Variants in MYBL1 observed in about 807,000 individuals in gnomAD.
MYBL1 encodes MYB proto-oncogene like 1.
MYBL1 carries 17 observed loss-of-function variants against 96.3 expected under a neutral mutation model. The observed-to-expected ratio is 0.18, with a 90% CI of 0.12 to 0.26. MYBL1 has a LOEUF of 0.26. MYBL1 is among the 10% of genes least tolerant of loss of function. The pLI is 1.00. For synonymous variants in MYBL1, 282 were observed against 292.7 expected, an observed-to-expected ratio of 0.96 and a Z score of 0.37; for missense variants, 701 against 882.9, an observed-to-expected ratio of 0.79 and a Z score of 2.61.
chr8:66,579,823 ACT>A (rs558921720), intron 9 of MYBL1, among the ~76,000 whole-genome samples: 87 of 151,994 alleles, frequency 5.7e-4, no homozygotes, highest in South Asian at 2.7e-3. Flanking sequence ...CAAATTATTA[ACT>A]CTGGGTTTAT....
At chr8:66,612,200 C>T (rs1253774617) in intron 1 of MYBL1, 4 of 152,186 alleles carry the variant, frequency 2.6e-5, no homozygotes, top group Non-Finnish European at 5.9e-5. Flanking sequence ...GTTGTTACTA[C>T]TAGTTGTTAC....
intron 8 of MYBL1, among the ~76,000 whole-genome samples, chr8:66,589,244 TTA>T: frequency 6.6e-6 from 1 of 152,160 alleles, no homozygotes; most frequent in Non-Finnish European, 1.5e-5. Flanking sequence ...TAAGATTCTA[TTA>T]AAAATCCAAA....
chr8:66,604,498 C>T (rs1310251771), intron 1 of MYBL1, among the ~76,000 whole-genome samples: 13 of 151,190 alleles, frequency 8.6e-5, no homozygotes, highest in Non-Finnish European at 4.4e-5. Context: ...CCAAGAGAAC[C>T]TCCATTTCAA....
At chr8:66,584,051 A>G (rs1197368862) in intron 8 of MYBL1, among the ~76,000 whole-genome samples, 1 of 152,200 alleles carries the variant, frequency 6.6e-6, no homozygotes, top group Non-Finnish European at 1.5e-5. Context: ...ACATTCACCA[A>G]GATCAAATGG....
intron 5 of MYBL1, among the ~76,000 whole-genome samples, chr8:66,596,254 G>A (rs775787837): frequency 6.6e-6 from 1 of 152,098 alleles, no homozygotes; most frequent in East Asian, 1.9e-4. Flanking sequence ...GAACAAACAT[G>A]ATCATGAAAA....
At position 66,566,142 on chromosome 8, in the gene MYBL1, G is replaced by A; in HGVS notation, c.2052C>T (p.Thr684=). The change falls in exon 15 of 16, where the codon ACC becomes ACT. Residue 684 remains threonine, a synonymous_variant. Coordinates refer to ENST00000522677, the MANE Select transcript of MYBL1 (RefSeq NM_001080416.4). ...LIPEKQDINS[T]NKTYTLTKKK... ...TTTTAGTAAGTGTATATGTTTTGTT[G>A]GTTGAATTTATATCTTGTTTTTCAG... is the stretch of plus-strand genomic sequence containing the variant. The A allele has an allele frequency of 1.9e-6, 3 of 1,541,764 alleles. No homozygotes were observed. Among genetic ancestry groups the A allele is most frequent in the Non-Finnish European group, 2.6e-6 (3 of 1,137,924 alleles).
Position 66,608,060 on chromosome 8 carries a change from C to T in MYBL1, c.20+4759G>A, listed in dbSNP as rs78996799. 1.8e-3 allele frequency among the ~76,000 whole-genome samples: 273 copies of T among 152,240 alleles called. 2 individuals are homozygous for T. Among genetic ancestry groups the T allele is most frequent in the Middle Eastern group, 0.017 (5 of 294 alleles). ...CAAATCTACATCACATTTAATCATA[C>T]GAAACCCACTTTAAGGTTCTTACAA... On this transcript the variant is annotated intron_variant, in intron 1 of 15. Coordinates refer to ENST00000522677, the MANE Select transcript of MYBL1 (RefSeq NM_001080416.4).
At chr8:66,610,321 G>A (rs1022592316) in intron 1 of MYBL1, among the ~76,000 whole-genome samples, 1 of 151,664 alleles carries the variant, frequency 6.6e-6, no homozygotes, top group African/African-American at 2.4e-5. Context: ...CAGATACTAC[G>A]GCTATCTTAA....
rs549162852 is a variant in MYBL1 at position 66,564,073 on chromosome 8, A to G, written c.*624T>C. 6.6e-6 allele frequency: 1 copy of G among 152,486 alleles called. No individual in the cohort carries two copies. The highest frequency in any genetic ancestry group is 2.4e-5 in the African/African-American group (1 of 41,544). 9.4% of individuals were successfully genotyped at this position (152,486 alleles called of 1,614,324 possible). A position where few individuals can be genotyped will look rare whatever the true frequency, so the allele number is the denominator to read the frequency against. ...GCTCCTCTGAGATTAAGAAAATACT[A>G]TTTACTAATAAAGAAAAAACTCTTT... is the stretch of plus-strand genomic sequence containing the variant. On this transcript the variant is annotated 3_prime_UTR_variant, in exon 16 of 16. Transcript: ENST00000522677.
At chr8:66,575,979 G>C (rs771563683) in intron 10 of MYBL1, 28 bp downstream of exon 10, 2 of 1,585,104 alleles carry the variant, frequency 1.3e-6, no homozygotes, top group Non-Finnish European at 8.6e-7. Context: ...TTGACATTTA[G>C]AAACATAAAC....
chr8:66,583,216 T>G (rs944326375), intron 8 of MYBL1, among the ~76,000 whole-genome samples: 4 of 152,008 alleles, frequency 2.6e-5, no homozygotes, highest in Non-Finnish European at 5.9e-5. Flanking sequence ...AAACGGAAAT[T>G]AAACAACATG....
rs1808536134 is a variant in MYBL1 at position 66,567,133 on chromosome 8, A to G, written c.1729-141T>C. ...CCCTATAGATACATTAATTAAATTA[A>G]TTCATGTTGTGGCAAAACAATATTA... On this transcript the variant is annotated intron_variant, in intron 12 of 15. Coordinates refer to ENST00000522677, the MANE Select transcript of MYBL1 (RefSeq NM_001080416.4). 1.7e-5 allele frequency: 10 copies of G among 580,800 alleles called. No individual in the cohort carries two copies. In the East Asian group the frequency reaches 2.8e-4, roughly 16 times the overall value. The allele number at this position is 580,800 out of a possible 1,614,324, so 36.0% of individuals were successfully genotyped here.
intron 12 of MYBL1, among the ~76,000 whole-genome samples, chr8:66,567,834 C>T (rs960463893): frequency 6.6e-6 from 1 of 151,936 alleles, no homozygotes; most frequent in Non-Finnish European, 1.5e-5. Flanking sequence ...GAGGCTGAGG[C>T]GGGTGGATCA....
intron 1 of MYBL1, chr8:66,612,310 T>C (rs1454670853): frequency 6.4e-6 from 1 of 156,088 alleles, no homozygotes; most frequent in African/African-American, 2.4e-5. Flanking sequence ...AAAAGTCCTC[T>C]CAGCTATTCC....
chr8:66,604,577 A>AT (rs1810236889), intron 1 of MYBL1, among the ~76,000 whole-genome samples: 1 of 152,272 alleles, frequency 6.6e-6, no homozygotes, highest in African/African-American at 2.4e-5. Flanking sequence ...AATTATTTAC[A>AT]TTTTTTACAT....
intron 13 of MYBL1, 40 bp from the exon 14 acceptor site, chr8:66,566,828 C>G: frequency 6.3e-7 from 1 of 1,589,764 alleles, no homozygotes; most frequent in Non-Finnish European, 8.6e-7. Context: ...ATGGCAAAGT[C>G]TCTTGGATAC....
chr8:66,573,625 A>ACGCCTG, intron 10 of MYBL1, 119 bp from the exon 11 acceptor site: 1 of 900,120 alleles, frequency 1.1e-6, no homozygotes, highest in South Asian at 2.4e-5. Context: ...CTTATGAATA[A>ACGCCTG]TATTACACTT....
intron 8 of MYBL1, among the ~76,000 whole-genome samples, chr8:66,581,070 C>T (rs564311730): frequency 5.9e-5 from 9 of 152,180 alleles, no homozygotes; most frequent in African/African-American, 2.2e-4. Context: ...CCATGTTGGC[C>T]AGGCTGGTCT....
intron 8 of MYBL1, among the ~76,000 whole-genome samples, chr8:66,581,218 C>T (rs1809199476): frequency 6.6e-6 from 1 of 152,124 alleles, no homozygotes; most frequent in Admixed American, 6.5e-5. Flanking sequence ...TGTCCTAATT[C>T]ATTTATCTTG....
Sources: allele counts gnomAD v4.1 joint callset (sites outside exome capture counted in the v4.1 genomes callset), GRCh38; gene constraint gnomAD v4.1.1; transcripts MANE v1.5; gene names NCBI Gene and HGNC (gene_info 2026-07-23, HGNC 2026-07-21).